Variants in ZYG11B observed in about 807,000 individuals in gnomAD.
The protein encoded by ZYG11B is protein zyg-11 homolog B.
A neutral mutation model predicts 82.4 loss-of-function variants in ZYG11B; 36 were observed. That is an observed-to-expected ratio of 0.44 (90% CI 0.33 to 0.58). The LOEUF (loss-of-function observed/expected upper bound fraction) is 0.58, where lower values mean the gene tolerates loss of function less well. ZYG11B is among the 20% of genes least tolerant of loss of function. ZYG11B has a pLI of 0.02. For synonymous variants in ZYG11B, 303 were observed against 312.8 expected (o/e 0.97, Z 0.33); for missense variants, 552 against 895.6 (o/e 0.62, Z 4.90).
At position 52,769,134 on chromosome 1, in the gene ZYG11B, T is replaced by C. The variant is rs1025311647; in HGVS notation, c.197-1886T>C. ...CCTTTGACTATAGGGGCATATCTTA[T>C]TTTTCTTTGTATCTACAACATTTAG... is the stretch of plus-strand genomic sequence containing the variant. On this transcript the variant is annotated intron_variant, in intron 2 of 13. Transcript: ENST00000294353. Among the ~76,000 whole-genome samples, 4 of 152,208 alleles carry C rather than the reference T, an allele frequency of 2.6e-5. No individual in the cohort carries two copies. In the South Asian group the frequency reaches 6.2e-4, roughly 24 times the overall value.
chr1:52,779,960 T>A lies in ZYG11B; in HGVS notation c.1059T>A (p.His353Gln). 2 of 1,613,704 alleles carry A rather than the reference T, an allele frequency of 1.2e-6. No individual in the cohort carries two copies. The highest frequency in any genetic ancestry group is 1.7e-6 in the Non-Finnish European group (2 of 1,179,938). Residue 353 changes from histidine to glutamine, a missense_variant, in exon 4 of 14, where the codon CAT becomes CAA. Coordinates refer to ENST00000294353, the MANE Select transcript of ZYG11B (RefSeq NM_024646.3). ...TATTTCATCTTTTTAGTCTGACTCA[T>A]GTGATGGAAAAAACAAAGCCAGAAA... ...EALFHLFSLTHVMEKTKPEIL... is the reference protein window; with the variant it reads ...EALFHLFSLTQVMEKTKPEIL...
intron 12 of ZYG11B, among the ~76,000 whole-genome samples, chr1:52,814,269 C>T (rs548628768): frequency 1.3e-5 from 2 of 152,308 alleles, no homozygotes; most frequent in East Asian, 3.9e-4. Flanking sequence ...GATCTGCCTG[C>T]CTGGGCCCCC....
intron 8 of ZYG11B, among the ~76,000 whole-genome samples, chr1:52,797,128 A>ATATATTTATATATTATATATTATATATTT (rs1307017413): frequency 2.2e-4 from 14 of 62,788 alleles, no homozygotes; most frequent in Non-Finnish European, 2.5e-4. Context: ...ATTATATATT[A>ATATATTTATATATTATATATTATATATTT]TATATTTATA....
Position 52,793,896 on chromosome 1 carries a change from C to CTTCCTTCCTTCCTTCCTTCCTTCA in ZYG11B, c.1335-2390_1335-2389insCCTTCCTTCCTTCCTTCATTCCTT, listed in dbSNP as rs1268346317. Among the ~76,000 whole-genome samples, 110 of 148,974 alleles carry CTTCCTTCCTTCCTTCCTTCCTTCA rather than the reference C, an allele frequency of 7.4e-4. 1 individual carries two copies. The highest frequency in any genetic ancestry group is 2.6e-3 in the African/African-American group (102 of 39,770). On this transcript the variant is annotated intron_variant, in intron 6 of 13. Coordinates refer to ENST00000294353, the MANE Select transcript of ZYG11B (RefSeq NM_024646.3). ...CCTTCCTTCCTTCCTTCCTTCCTTC[C>CTTCCTTCCTTCCTTCCTTCCTTCA]TTCCTTTCTTTCCTTTCTTTCCTTT...
intron 1 of ZYG11B, among the ~76,000 whole-genome samples, chr1:52,749,441 C>T (rs949296979): frequency 4.6e-5 from 7 of 152,082 alleles, no homozygotes; most frequent in Admixed American, 3.3e-4. Context: ...GAAAATGTTT[C>T]GAATACCTTG....
intron 12 of ZYG11B, among the ~76,000 whole-genome samples, chr1:52,815,274 G>A (rs565888618): frequency 2.0e-5 from 3 of 152,090 alleles, no homozygotes; most frequent in South Asian, 4.2e-4. Flanking sequence ...GACTGAGGTG[G>A]TAGTATCACT....
At chr1:52,779,642 C>T (rs947148719) in intron 3 of ZYG11B, among the ~76,000 whole-genome samples, 8 of 152,132 alleles carry the variant, frequency 5.3e-5, no homozygotes, top group Non-Finnish European at 1.2e-4. Context: ...AGGCATGCAC[C>T]ACCGTGCTTG....
At chr1:52,734,478 A>C (rs1279294476) in intron 1 of ZYG11B, among the ~76,000 whole-genome samples, 1 of 149,398 alleles carries the variant, frequency 6.7e-6, no homozygotes, top group African/African-American at 2.5e-5. Context: ...TTGCCATCTC[A>C]AAAAAAAATA....
rs34249507 is a variant in ZYG11B, at chr1:52,823,291, C to CAAA, written c.*1671_*1673dup. 1 of 145,970 alleles carries CAAA rather than the reference C, an allele frequency of 6.9e-6. No individual in the cohort carries two copies. The highest frequency in any genetic ancestry group is 2.2e-4 in the South Asian group (1 of 4,596). The allele number at this position is 145,970 out of a possible 1,614,324, so 9.0% of individuals were successfully genotyped here. A position where few individuals can be genotyped will look rare whatever the true frequency, so the allele number is the denominator to read the frequency against. ...CAACATAGTGAGACTCGGTCTCTAC[C>CAAA]AAAAAAAAAAATTTTTTTTTTTTAA... On this transcript the variant is annotated 3_prime_UTR_variant, in exon 14 of 14. Coordinates refer to ENST00000294353, the MANE Select transcript of ZYG11B (RefSeq NM_024646.3).
At chr1:52,735,866 C>G (rs1164779946) in intron 1 of ZYG11B, among the ~76,000 whole-genome samples, 1 of 152,110 alleles carries the variant, frequency 6.6e-6, no homozygotes. Flanking sequence ...CTTTTTAACA[C>G]TGAAAACCTT....
chr1:52,770,884 A>G (rs558013120), intron 2 of ZYG11B, 136 bp from the exon 3 acceptor site: 22 of 1,040,532 alleles, frequency 2.1e-5, no homozygotes, highest in African/African-American at 1.7e-4. Context: ...AACAATAATA[A>G]TCTCACCTAA....
chr1:52,758,057 G>A (rs1405442638), intron 2 of ZYG11B, among the ~76,000 whole-genome samples: 2 of 151,694 alleles, frequency 1.3e-5, no homozygotes, highest in Admixed American at 6.6e-5. Flanking sequence ...AAAATTAGCC[G>A]GGCGTGGTGG....
intron 1 of ZYG11B, among the ~76,000 whole-genome samples, chr1:52,732,799 C>A (rs1347787075): frequency 4.6e-5 from 7 of 151,672 alleles, no homozygotes; most frequent in Non-Finnish European, 8.8e-5. Flanking sequence ...TGTGGTGAAA[C>A]CCTGTCTCTA....
chr1:52,815,913 C>T (rs1355989501), intron 12 of ZYG11B, among the ~76,000 whole-genome samples: 2 of 151,850 alleles, frequency 1.3e-5, no homozygotes, highest in Non-Finnish European at 2.9e-5. Context: ...CCAGCCTGGG[C>T]GACAGAGCGA....
intron 10 of ZYG11B, among the ~76,000 whole-genome samples, chr1:52,807,771 G>A (rs1645152877): frequency 6.6e-6 from 1 of 152,136 alleles, no homozygotes; most frequent in South Asian, 2.1e-4. Flanking sequence ...GATTATAGGT[G>A]TGCACCACCA....
At chr1:52,759,117 A>G (rs757803456) in intron 2 of ZYG11B, among the ~76,000 whole-genome samples, 11 of 152,078 alleles carry the variant, frequency 7.2e-5, no homozygotes, top group Non-Finnish European at 1.0e-4. Context: ...TTTTTAGTAG[A>G]GACGGGGTTT....
chr1:52,763,644 T>C (rs564298920), intron 2 of ZYG11B, among the ~76,000 whole-genome samples: 2 of 152,276 alleles, frequency 1.3e-5, no homozygotes, highest in East Asian at 1.9e-4. Context: ...TTAAAATAAA[T>C]CTGATGTTAG....
chr1:52,821,428 TTC>T lies in ZYG11B; in HGVS notation c.2045-9_2045-8del, dbSNP rs1645282890. On this transcript the variant is annotated splice_polypyrimidine_tract_variant and intron_variant, in intron 13 of 13. Transcript: ENST00000294353. ...TCTCCTGTTTTGTGTGTGTTTTTTT[TTC>T]TTTTTCAGCTTCAAGGTATTGCAGC... 6.5e-7 allele frequency: 1 copy of T among 1,527,458 alleles called. No homozygotes were observed. Among genetic ancestry groups the T allele is most frequent in the African/African-American group, 1.4e-5 (1 of 71,616 alleles). The allele number at this position is 1,527,458 out of a possible 1,614,324, so 94.6% of individuals were successfully genotyped here. A position where few individuals can be genotyped will look rare whatever the true frequency, so the allele number is the denominator to read the frequency against.
At chr1:52,803,646 T>C (rs2149960764) in intron 10 of ZYG11B, among the ~76,000 whole-genome samples, 1 of 152,286 alleles carries the variant, frequency 6.6e-6, no homozygotes, top group African/African-American at 2.4e-5. Flanking sequence ...CTGTTGCCCA[T>C]TGTGCAGTGC....
Sources: gnomAD v4.1 joint callset for allele counts (sites outside exome capture counted in the v4.1 genomes callset) on GRCh38, gnomAD v4.1.1 for gene constraint, MANE v1.5 for transcripts, NCBI Gene and HGNC (gene_info 2026-07-23, HGNC 2026-07-21) for gene names.